Variants in KIRREL2 observed in about 807,000 individuals in gnomAD.
KIRREL2 encodes the protein kirre like nephrin family adhesion molecule 2.
A neutral mutation model predicts 73.4 loss-of-function variants in KIRREL2; 56 were observed. The ratio of observed to expected loss-of-function variants is 0.76; its 90% CI spans 0.62 to 0.95. KIRREL2 has a LOEUF of 0.95. Ranked by LOEUF, KIRREL2 falls within the 40% of genes least tolerant of loss-of-function variation. The pLI, the probability that KIRREL2 is intolerant of heterozygous loss-of-function variation, is 0.00. For missense variants in KIRREL2, 896 were observed against 935.0 expected (o/e 0.96, Z 0.54); for synonymous variants, 407 against 404.0 (o/e 1.01, Z -0.09).
At chr19:35,864,033 C>T (rs1312157354) in intron 13 of KIRREL2, among the ~76,000 whole-genome samples, 2 of 152,216 alleles carry the variant, frequency 1.3e-5, no homozygotes, top group South Asian at 4.1e-4. Context: ...TCTCGGCCTC[C>T]CAAAGTGCTG....
intron 11 of KIRREL2, 97 bp downstream of exon 11, chr19:35,862,121 A>G: frequency 9.7e-7 from 1 of 1,035,906 alleles, no homozygotes; most frequent in Non-Finnish European, 1.4e-6. Context: ...ATACCCTCAA[A>G]TGCAGAGGAG....
chr19:35,866,007 C>T (rs570173088), intron 14 of KIRREL2, 150 bp from the exon 15 acceptor site: 214 of 723,048 alleles, frequency 3.0e-4, no homozygotes, highest in Non-Finnish European at 4.7e-4. Context: ...TTCTCTCTCT[C>T]CCAGTCCATG....
At position 35,857,108 on chromosome 19, in the gene KIRREL2, C is replaced by T. The variant is rs201200252; in HGVS notation, c.-12C>T. On this transcript the variant is annotated 5_prime_UTR_variant, in exon 1 of 15. Transcript: ENST00000360202. Reference sequence around the variant, plus strand: ...CAGTGCGACGGCAAATCTCGTGAACCTTGGGGGACGAATGCTCAGGATGCG... The same window carrying T: ...CAGTGCGACGGCAAATCTCGTGAACTTTGGGGGACGAATGCTCAGGATGCG... 9 of 1,612,766 alleles carry T rather than the reference C, an allele frequency of 5.6e-6. No individual in the cohort carries two copies. In the East Asian group the frequency reaches 1.8e-4, roughly 32 times the overall value.
At chr19:35,854,192 A>G (rs1422799968), upstream of KIRREL2, among the ~76,000 whole-genome samples, 1 of 151,870 alleles carries the variant, frequency 6.6e-6, no homozygotes, top group African/African-American at 2.4e-5. Context: ...GAGTCTTGCT[A>G]TATTGCCCAG....
chr19:35,858,909 C>T, intron 4 of KIRREL2, 45 bp downstream of exon 4: 1 of 1,605,266 alleles, frequency 6.2e-7, no homozygotes, highest in Non-Finnish European at 8.5e-7. Flanking sequence ...TTGAGGGAAA[C>T]TTGGGTTACA....
chr19:35,859,333 T>C (rs1297280954), intron 4 of KIRREL2, 148 bp from the exon 5 acceptor site: 1 of 703,942 alleles, frequency 1.4e-6, no homozygotes, highest in Non-Finnish European at 2.3e-6. Flanking sequence ...ATTATGAGAC[T>C]TTTTTGTAAT....
chr19:35,861,707 CG>C, intron 10 of KIRREL2, 66 bp downstream of exon 10: 1 of 1,588,460 alleles, frequency 6.3e-7, no homozygotes, highest in Non-Finnish European at 8.6e-7. Flanking sequence ...CCTGGCCCCC[CG>C]AAACTACTGT....
chr19:35,858,735 C>A lies in KIRREL2; in HGVS notation c.393C>A (p.Gly131=). The change falls in exon 4 of 15, where the codon GGC becomes GGA. Residue 131 remains glycine, a synonymous_variant. Transcript: ENST00000360202. ...VPPEAPQVLG[G]PSVSLVAGVP... is the part of the protein sequence containing the mutation. ...CAGAAGCCCCCCAGGTGCTGGGCGG[C>A]CCCTCTGTGTCTCTGGTTGCTGGAG... 1.2e-6 allele frequency: 2 copies of A among 1,614,200 alleles called. No individual in the cohort carries two copies. The highest frequency in any genetic ancestry group is 1.7e-6 in the Non-Finnish European group (2 of 1,180,036).
chr19:35,860,495 T>C (rs781057658), intron 6 of KIRREL2, 24 bp from the exon 7 acceptor site: 5 of 1,602,680 alleles, frequency 3.1e-6, no homozygotes, highest in Non-Finnish European at 4.2e-6. Flanking sequence ...CAGGACAACG[T>C]TAACAGCGCC....
At chr19:35,858,232 C>T (rs1379183546) in intron 2 of KIRREL2, among the ~76,000 whole-genome samples, 176 bp from the exon 3 acceptor site, 1 of 152,108 alleles carries the variant, frequency 6.6e-6, no homozygotes, top group Non-Finnish European at 1.5e-5. Context: ...CCTAAGTTTG[C>T]AGTGACTCTG....
At chr19:35,851,817 G>T, upstream of KIRREL2, 1 of 1,552,402 alleles carries the variant, frequency 6.4e-7, no homozygotes, top group East Asian at 2.4e-5. Context: ...GAGAAGCCCT[G>T]AGCGTCGTCC....
Position 35,863,141 on chromosome 19 carries a change from GT to G in KIRREL2, c.1725+106del. The G allele has an allele frequency of 2.0e-5, 13 of 663,790 alleles. No homozygotes were observed. The South Asian group carries it at 2.3e-4, about 12-fold the overall frequency. The allele number at this position is 663,790 out of a possible 1,614,324, so 41.1% of individuals were successfully genotyped here. A position where few individuals can be genotyped will look rare whatever the true frequency, so the allele number is the denominator to read the frequency against. ...AAATAGGACTCTAAGGCCAGGCATGGTGCCTGACGTTGGTAATACCACTTTG... is the reference window on the plus strand; with the variant it reads ...AAATAGGACTCTAAGGCCAGGCATGGGCCTGACGTTGGTAATACCACTTTG... On this transcript the variant is annotated intron_variant, in intron 13 of 14. Coordinates refer to ENST00000360202, the MANE Select transcript of KIRREL2 (RefSeq NM_199180.4).
intron 13 of KIRREL2, among the ~76,000 whole-genome samples, chr19:35,864,440 G>A (rs934978735): frequency 2.7e-5 from 4 of 150,282 alleles, no homozygotes; most frequent in Admixed American, 2.0e-4. Flanking sequence ...TACTCCTGCT[G>A]CGGCCTCCCA....
At chr19:35,861,747 C>T (rs1973698563) in intron 10 of KIRREL2, 58 bp from the exon 11 acceptor site, 1 of 1,586,800 alleles carries the variant, frequency 6.3e-7, no homozygotes, top group Non-Finnish European at 8.6e-7. Flanking sequence ...AGACATCCCT[C>T]CTGCTTCTTC....
chr19:35,853,346 A>G (rs1973326325), upstream of KIRREL2, among the ~76,000 whole-genome samples: 1 of 152,178 alleles, frequency 6.6e-6, no homozygotes, highest in Admixed American at 6.5e-5. Flanking sequence ...GCAGAGTCCA[A>G]TTCCACCGGC....
Position 35,859,571 on chromosome 19 carries a change from C to G in KIRREL2, c.613C>G (p.Arg205Gly). ...SHDDGATFVC[R>G]ARSQALPTGR... The stretch of plus-strand genomic sequence containing the variant: ...TGATGATGGAGCCACCTTTGTCTGC[C>G]GGGCCCGGAGCCAGGCCCTGCCCAC... Residue 205 changes from arginine to glycine, a missense_variant, in exon 5 of 15, where the codon CGG (arginine) becomes GGG (glycine). By Grantham distance (125) the Arg-to-Gly change is moderately radical. Transcript: ENST00000360202. 6.2e-7 allele frequency: 1 copy of G among 1,614,068 alleles called. No homozygotes were observed. The highest frequency in any genetic ancestry group is 8.5e-7 in the Non-Finnish European group (1 of 1,179,990).
At chr19:35,858,997 A>C in intron 4 of KIRREL2, 133 bp downstream of exon 4, 2 of 994,184 alleles carry the variant, frequency 2.0e-6, no homozygotes, top group Non-Finnish European at 1.5e-6. Context: ...TTGAAATATG[A>C]TGCAGGGTAA....
In KIRREL2 at chr19:35,858,589, C is replaced by T. The variant is rs1289136877; in HGVS notation, c.361+32C>T. 2.5e-6 allele frequency: 4 copies of T among 1,612,626 alleles called. No homozygotes were observed. The South Asian group carries it at 3.3e-5, about 13-fold the overall frequency. ...ACCTCGCCCACTTGTCCCCTGGGAG[C>T]CCAAGAGGGCAGCCCGTACTAGCTG... On this transcript the variant is annotated intron_variant, in intron 3 of 14. Coordinates refer to ENST00000360202, the MANE Select transcript of KIRREL2 (RefSeq NM_199180.4).
upstream of KIRREL2, chr19:35,851,665 C>T (rs750193555): frequency 3.7e-6 from 6 of 1,612,662 alleles, no homozygotes; most frequent in East Asian, 4.5e-5. Context: ...TCGCCAACTG[C>T]GCCAGGCCTG....
Sources: allele counts gnomAD v4.1 joint callset (sites outside exome capture counted in the v4.1 genomes callset), GRCh38; gene constraint gnomAD v4.1.1; transcripts MANE v1.5; gene names NCBI Gene and HGNC (gene_info 2026-07-23, HGNC 2026-07-21).